The following ARB2A variants were observed in gnomAD, a reference collection of about 807,000 sequenced individuals.
ARB2A encodes ARB2 cotranscriptional regulator A.
chr5:93,765,887 A>T, the ARB2A span, among the ~76,000 whole-genome samples: 1 of 152,176 alleles, frequency 6.6e-6, no homozygotes, highest in African/African-American at 2.4e-5. Flanking sequence ...AATGCTGCAT[A>T]TCTACAACCA....
chr5:93,683,757 G>C, the ARB2A span: 6 of 1,579,090 alleles, frequency 3.8e-6, no homozygotes, highest in East Asian at 1.3e-4. Flanking sequence ...GAAGGCGGAC[G>C]GAGATAAAAC....
At chr5:93,757,404 T>G in the ARB2A span, among the ~76,000 whole-genome samples, 1 of 151,974 alleles carries the variant, frequency 6.6e-6, no homozygotes, top group African/African-American at 2.4e-5. Context: ...CACAAAAAAG[T>G]TCTTCACCTA....
chr5:93,940,263 T>C, the ARB2A span, among the ~76,000 whole-genome samples: 1 of 152,072 alleles, frequency 6.6e-6, no homozygotes, highest in South Asian at 2.1e-4. Context: ...AGGCAAAGTA[T>C]ACCAATTGTA....
chr5:93,765,214 G>A, the ARB2A span, among the ~76,000 whole-genome samples: 3 of 152,134 alleles, frequency 2.0e-5, no homozygotes, highest in East Asian at 3.9e-4. Flanking sequence ...GCAGGAGAAG[G>A]AAATAAAGGG....
At chr5:94,053,071 C>T in the ARB2A span, 14 of 407,510 alleles carry the variant, frequency 3.4e-5, no homozygotes, top group Admixed American at 1.4e-4. Context: ...TTTGCATATA[C>T]TATAGATAGA....
the ARB2A span, among the ~76,000 whole-genome samples, chr5:94,074,245 T>A: frequency 2.0e-5 from 3 of 151,988 alleles, no homozygotes; most frequent in South Asian, 6.2e-4. Flanking sequence ...TGTATAAACC[T>A]CTCATAAAAT....
chr5:94,081,859 T>C, the ARB2A span, among the ~76,000 whole-genome samples: 1 of 151,438 alleles, frequency 6.6e-6, no homozygotes, highest in Non-Finnish European at 1.5e-5. Flanking sequence ...GTCAAGGCAG[T>C]CTCAAAAAAA....
chr5:93,729,366 T>C, the ARB2A span, among the ~76,000 whole-genome samples: 2 of 152,118 alleles, frequency 1.3e-5, no homozygotes, highest in South Asian at 4.1e-4. Context: ...AGGTGCTAAT[T>C]AGATATTTGG....
At chr5:93,986,468 G>A in the ARB2A span, among the ~76,000 whole-genome samples, 19 of 151,622 alleles carry the variant, frequency 1.3e-4, no homozygotes, top group Middle Eastern at 6.9e-3. Context: ...CGGCCGCCAC[G>A]TCTGGGAAGT....
chr5:93,791,052 G>A, the ARB2A span, among the ~76,000 whole-genome samples: 1 of 152,072 alleles, frequency 6.6e-6, no homozygotes, highest in African/African-American at 2.4e-5. Flanking sequence ...GTATCTATGT[G>A]CTCTTCAGTG....
chr5:93,814,949 T>C, the ARB2A span, among the ~76,000 whole-genome samples: 13 of 152,194 alleles, frequency 8.5e-5, no homozygotes, highest in African/African-American at 1.2e-4. Flanking sequence ...GCAATCCTCC[T>C]GCCTCAGCCT....
chr5:93,785,173 C>T, the ARB2A span, among the ~76,000 whole-genome samples: 5 of 151,880 alleles, frequency 3.3e-5, no homozygotes, highest in African/African-American at 7.3e-5. Flanking sequence ...TTGGAGATAC[C>T]GATGAATTCA....
the ARB2A span, among the ~76,000 whole-genome samples, chr5:93,985,022 T>A: frequency 1.3e-5 from 2 of 152,202 alleles, no homozygotes; most frequent in Non-Finnish European, 2.9e-5. Context: ...AATCTTAATA[T>A]CCGTTTCTTA....
chr5:93,762,608 C>T, the ARB2A span, among the ~76,000 whole-genome samples: 12 of 152,274 alleles, frequency 7.9e-5, no homozygotes, highest in South Asian at 4.1e-4. Flanking sequence ...GAGAATGGAA[C>T]GAAGTTGGAA....
the ARB2A span, among the ~76,000 whole-genome samples, chr5:94,038,702 T>C: frequency 1.3e-5 from 2 of 151,746 alleles, no homozygotes; most frequent in Non-Finnish European, 2.9e-5. Context: ...ATGACTGCTA[T>C]AATAATCTCC....
chr5:94,019,739 T>C, the ARB2A span, among the ~76,000 whole-genome samples: 1 of 152,226 alleles, frequency 6.6e-6, no homozygotes, highest in Non-Finnish European at 1.5e-5. Flanking sequence ...CTCAAGGATC[T>C]AGAACCAGAA....
At chr5:93,808,141 G>GTT in the ARB2A span, among the ~76,000 whole-genome samples, 1 of 152,080 alleles carries the variant, frequency 6.6e-6, no homozygotes, top group Admixed American at 6.6e-5. Flanking sequence ...GCTTCAGACA[G>GTT]TAAATATATA....
chr5:94,002,648 G>A, the ARB2A span, among the ~76,000 whole-genome samples: 3 of 151,534 alleles, frequency 2.0e-5, no homozygotes, highest in African/African-American at 7.3e-5. Flanking sequence ...TTTATTTTTA[G>A]GACAGAATAG....
At chr5:93,659,112 G>A in the ARB2A span, among the ~76,000 whole-genome samples, 1 of 151,762 alleles carries the variant, frequency 6.6e-6, no homozygotes, top group African/African-American at 2.4e-5. Context: ...GTTCCAAGTT[G>A]GAGTTCTCTA....
Sources: gnomAD v4.1 joint callset for allele counts (sites outside exome capture counted in the v4.1 genomes callset) on GRCh38, gnomAD v4.1.1 for gene constraint, MANE v1.5 for transcripts, NCBI Gene and HGNC (gene_info 2026-07-23, HGNC 2026-07-21) for gene names.